MMAA: variants seen among roughly 807,000 people sequenced by gnomAD.
The protein encoded by MMAA is methylmalonic aciduria type A protein, mitochondrial.
Under a neutral mutation model 45.0 loss-of-function variants are expected in MMAA, and 41 were observed. The ratio of observed to expected loss-of-function variants is 0.91; its 90% CI spans 0.71 to 1.18. MMAA has a LOEUF of 1.18. Among genes scored for constraint, MMAA ranks in the 50% most tolerant of loss-of-function variants. MMAA has a pLI of 0.00. For missense variants in MMAA, 460 were observed against 495.7 expected, an observed-to-expected ratio of 0.93 and a Z score of 0.68; for synonymous variants, 154 against 178.2, an observed-to-expected ratio of 0.86 and a Z score of 1.08.
chr4:145,624,949 A>G (rs1578868474), intron 1 of MMAA: 1 of 1,192,800 alleles, frequency 8.4e-7, no homozygotes, highest in East Asian at 2.3e-5. Context: ...CCAACTCCAT[A>G]CCTTTGGGCT....
chr4:145,625,397 T>C, intron 1 of MMAA: 5 of 702,454 alleles, frequency 7.1e-6, no homozygotes, highest in South Asian at 6.8e-5. Context: ...AGGAGCCTAA[T>C]GACCACTGGC....
Position 145,639,058 on chromosome 4 carries a change from G to C in MMAA, c.-65-17G>C. 1 of 1,307,814 alleles carries C rather than the reference G, an allele frequency of 7.6e-7. No individual in the cohort carries two copies. The highest frequency in any genetic ancestry group is 1.1e-6 in the Non-Finnish European group (1 of 903,162). 81.0% of individuals were successfully genotyped at this position (1,307,814 alleles called of 1,614,324 possible). ...AGTTATATATCGAACTGGCTAACAT[G>C]TTTTTCTTTCTTCTAGGGAGGTCAC... On this transcript the variant is annotated splice_polypyrimidine_tract_variant and intron_variant, in intron 1 of 6. Transcript: ENST00000649156.
chr4:145,622,354 C>A (rs1423702879), intron 1 of MMAA, among the ~76,000 whole-genome samples: 3 of 152,176 alleles, frequency 2.0e-5, no homozygotes, highest in Non-Finnish European at 4.4e-5. Flanking sequence ...CCACATAGAA[C>A]TGTAAGTCCA....
At chr4:145,641,472 A>G (rs11728906) in intron 2 of MMAA, among the ~76,000 whole-genome samples, 43,168 of 152,140 alleles carry the variant, frequency 0.28, 7,206 homozygotes, top group African/African-American at 0.46. Flanking sequence ...ATTGTGGTAA[A>G]GAGTCAGGCA....
chr4:145,647,938 C>T (rs190905760), intron 4 of MMAA, among the ~76,000 whole-genome samples: 1 of 151,836 alleles, frequency 6.6e-6, no homozygotes, highest in Non-Finnish European at 1.5e-5. Flanking sequence ...CTCACTGCAA[C>T]CTCCGCCTCC....
chr4:145,649,341 G>A lies in MMAA; in HGVS notation c.734-1721G>A, dbSNP rs1057078927. 2.6e-5 allele frequency among the ~76,000 whole-genome samples: 4 copies of A among 152,252 alleles called. No individual in the cohort carries two copies. In the East Asian group the frequency reaches 7.7e-4, roughly 29 times the overall value. On this transcript the variant is annotated intron_variant, in intron 4 of 6. Transcript: ENST00000649156. ...GCCTGAGGCAGGCAGTCCACAGCAG[G>A]TATGGTGCTTTGACAGTGCCCTCGG...
chr4:145,648,667 C>T (rs1395997404), intron 4 of MMAA, among the ~76,000 whole-genome samples: 4 of 152,184 alleles, frequency 2.6e-5, no homozygotes, highest in South Asian at 4.1e-4. Flanking sequence ...GTGACTCAAA[C>T]AAGAAAGAGG....
intron 1 of MMAA, among the ~76,000 whole-genome samples, chr4:145,629,540 AAG>A (rs1734283182): frequency 6.6e-6 from 1 of 152,208 alleles, no homozygotes; most frequent in Non-Finnish European, 1.5e-5. Flanking sequence ...TACCTAAAAA[AAG>A]AGTACTAGAG....
At chr4:145,640,681 T>C (rs1345678684) in intron 2 of MMAA, among the ~76,000 whole-genome samples, 2 of 152,212 alleles carry the variant, frequency 1.3e-5, no homozygotes, top group Admixed American at 1.3e-4. Flanking sequence ...AAGAAAGAGA[T>C]CATATTTATT....
At chr4:145,641,930 A>G (rs1489979320) in intron 2 of MMAA, among the ~76,000 whole-genome samples, 2 of 152,222 alleles carry the variant, frequency 1.3e-5, no homozygotes, top group Non-Finnish European at 2.9e-5. Context: ...TGCTTTCTCA[A>G]TCACTGGGAA....
chr4:145,627,966 CTAAATT>C (rs1734239565), intron 1 of MMAA, among the ~76,000 whole-genome samples: 1 of 152,058 alleles, frequency 6.6e-6, no homozygotes, highest in African/African-American at 2.4e-5. Flanking sequence ...ATTCTTTTTA[CTAAATT>C]TTTTTAGTAT....
intron 1 of MMAA, among the ~76,000 whole-genome samples, chr4:145,628,105 T>C (rs982691770): frequency 3.3e-5 from 5 of 152,160 alleles, no homozygotes; most frequent in African/African-American, 1.2e-4. Flanking sequence ...TAGGAAGAAA[T>C]CTAAATGCAA....
intron 3 of MMAA, among the ~76,000 whole-genome samples, chr4:145,645,588 A>AGCAGGAGAGATACTTCTG (rs1295792134): frequency 2.0e-5 from 3 of 152,208 alleles, no homozygotes; most frequent in African/African-American, 7.2e-5. Flanking sequence ...GCAGTGAGGA[A>AGCAGGAGAGATACTTCTG]GCAGGAGAGA....
chr4:145,642,283 C>A lies in MMAA; in HGVS notation c.440-80C>A. ...TACATTAGGGGAAATAGAAGGTAGT[C>A]TAATATTTTACTCAGTAAAACTGAT... On this transcript the variant is annotated intron_variant, in intron 2 of 6. Transcript: ENST00000649156. 2.0e-6 allele frequency: 3 copies of A among 1,466,830 alleles called. No individual in the cohort carries two copies. The South Asian group carries it at 3.4e-5, about 17-fold the overall frequency. The allele number at this position is 1,466,830 out of a possible 1,614,324, so 90.9% of individuals were successfully genotyped here.
intron 4 of MMAA, chr4:145,646,607 C>A: frequency 5.5e-6 from 1 of 182,972 alleles, no homozygotes; most frequent in South Asian, 1.2e-4. Flanking sequence ...GAAATGAAAA[C>A]CCTAATAAAT....
chr4:145,637,451 C>T lies in MMAA; in HGVS notation c.-65-1624C>T, dbSNP rs574986364. ...AATAGACATTATAATGCACCCCCCA[C>T]CCCACCGCCCCATAGAGAAAAAGTT... On this transcript the variant is annotated intron_variant, in intron 1 of 6. Transcript: ENST00000649156. Among the ~76,000 whole-genome samples, 5 of 151,614 alleles carry T rather than the reference C, an allele frequency of 3.3e-5. No homozygotes were observed. In the South Asian group the frequency reaches 6.2e-4, roughly 19 times the overall value.
intron 1 of MMAA, among the ~76,000 whole-genome samples, chr4:145,622,716 A>G (rs566958071): frequency 6.6e-6 from 1 of 152,348 alleles, no homozygotes; most frequent in African/African-American, 2.4e-5. Context: ...TGTAAAATAC[A>G]GTGTGTTTGG....
intron 2 of MMAA, among the ~76,000 whole-genome samples, chr4:145,642,076 T>C (rs1056732757): frequency 5.9e-5 from 9 of 152,180 alleles, no homozygotes; most frequent in Admixed American, 6.5e-5. Flanking sequence ...ATGAAGTCTG[T>C]CCAGAAAGAT....
chr4:145,648,547 G>C (rs1728004376), intron 4 of MMAA, among the ~76,000 whole-genome samples: 2 of 152,134 alleles, frequency 1.3e-5, no homozygotes, highest in African/African-American at 4.8e-5. Flanking sequence ...GATGAATGAA[G>C]AGTTAGTTGC....
Sources: allele counts gnomAD v4.1 joint callset (sites outside exome capture counted in the v4.1 genomes callset), GRCh38; gene constraint gnomAD v4.1.1; transcripts MANE v1.5; gene names NCBI Gene and HGNC (gene_info 2026-07-23, HGNC 2026-07-21).